The following MID1 variants were observed in gnomAD, a reference collection of about 807,000 sequenced individuals.
The protein encoded by MID1 is midline 1.
A neutral mutation model predicts 40.4 loss-of-function variants in MID1; 7 were observed. The observed-to-expected ratio is 0.17, with a 90% CI of 0.10 to 0.33. MID1 has a LOEUF of 0.33. Ranked by LOEUF, MID1 falls within the 10% of genes least tolerant of loss-of-function variation. The pLI, the probability that MID1 is intolerant of heterozygous loss-of-function variation, is 1.00. For synonymous variants in MID1, 229 were observed against 221.2 expected (o/e 1.04, Z -0.31); for missense variants, 367 against 558.5 (o/e 0.66, Z 3.46).
At chrX:10,666,058 T>C (rs2042948275) in intron 1 of MID1, among the ~76,000 whole-genome samples, 1 of 106,091 alleles carries the variant, frequency 9.4e-6, no homozygotes, top group African/African-American at 3.5e-5. Context: ...AAGTGTTGAG[T>C]GAAAACGCAA....
chrX:10,591,575 C>A (rs941618031), intron 1 of MID1, among the ~76,000 whole-genome samples: 25 of 111,917 alleles, frequency 2.2e-4, no homozygotes, highest in African/African-American at 8.1e-4. Context: ...GGTGACTTCA[C>A]CGAAGGGAGC....
chrX:10,730,672 C>T (rs1489869509), intron 1 of MID1, among the ~76,000 whole-genome samples: 3 of 106,840 alleles, frequency 2.8e-5, no homozygotes, highest in Non-Finnish European at 5.8e-5. Context: ...CCCGTGTTCA[C>T]GCCATTCTCC....
At chrX:10,572,141 TTC>T (rs1193315644) in intron 1 of MID1, among the ~76,000 whole-genome samples, 2 of 92,577 alleles carry the variant, frequency 2.2e-5, no homozygotes, top group East Asian at 3.3e-4. Context: ...CTCTCTCCCT[TTC>T]TCTCTCTCTT....
intron 8 of MID1, among the ~76,000 whole-genome samples, chrX:10,456,541 T>C (rs1928680100): frequency 8.9e-6 from 1 of 112,632 alleles, no homozygotes; most frequent in Non-Finnish European, 1.9e-5. Context: ...TCTGTACATA[T>C]CAAAGAAAAG....
chrX:10,595,206 C>G (rs1935389267), intron 1 of MID1, among the ~76,000 whole-genome samples: 1 of 111,822 alleles, frequency 8.9e-6, no homozygotes. Context: ...TTAAAGATCT[C>G]TTTCTGGAAG....
chrX:10,536,691 G>C (rs1470288765), intron 2 of MID1, among the ~76,000 whole-genome samples: 1 of 111,925 alleles, frequency 8.9e-6, no homozygotes, highest in African/African-American at 3.3e-5. Context: ...AATGTAGCTT[G>C]GCCCAACCAC....
At chrX:10,549,443 G>A (rs967114487) in intron 2 of MID1, among the ~76,000 whole-genome samples, 10 of 112,985 alleles carry the variant, frequency 8.9e-5, no homozygotes, top group African/African-American at 1.3e-4. Flanking sequence ...GGCCAAATCC[G>A]GCCAGTCACC....
At chrX:10,454,794 G>T in intron 9 of MID1, 76 bp downstream of exon 9, 1 of 881,496 alleles carries the variant, frequency 1.1e-6, no homozygotes, top group Non-Finnish European at 1.7e-6. Flanking sequence ...ATGCATTACA[G>T]TATGGGTTGA....
chrX:10,619,872 A>C (rs765209925), intron 1 of MID1, among the ~76,000 whole-genome samples: 2 of 112,134 alleles, frequency 1.8e-5, no homozygotes, highest in Non-Finnish European at 3.8e-5. Context: ...CCAAAATGAG[A>C]TAAGAGGCCC....
At chrX:10,617,585 G>T (rs1306719257) in intron 1 of MID1, among the ~76,000 whole-genome samples, 1 of 111,913 alleles carries the variant, frequency 8.9e-6, no homozygotes, top group African/African-American at 3.3e-5. Flanking sequence ...CACAAAATAT[G>T]TCTAGTAGGC....
chrX:10,526,393 G>A (rs1932833129), intron 2 of MID1, among the ~76,000 whole-genome samples: 1 of 111,270 alleles, frequency 9.0e-6, no homozygotes, highest in East Asian at 2.8e-4. Flanking sequence ...GAGACTAGAG[G>A]ATGATTTTGA....
intron 1 of MID1, among the ~76,000 whole-genome samples, chrX:10,671,547 C>T (rs906499260): frequency 1.8e-5 from 2 of 111,360 alleles, no homozygotes; most frequent in East Asian, 5.7e-4. Context: ...AAAGGTGTTT[C>T]TGGCCGGTGT....
chrX:10,777,355 G>A (rs1446316822), intron 1 of MID1, among the ~76,000 whole-genome samples: 1 of 85,497 alleles, frequency 1.2e-5, no homozygotes, highest in Non-Finnish European at 2.3e-5. Flanking sequence ...CCGCCACCAT[G>A]CCCGGCTAAT....
At chrX:10,621,845 A>G (rs958465485), upstream of MID1, among the ~76,000 whole-genome samples, 8 of 107,390 alleles carry the variant, frequency 7.4e-5, no homozygotes, top group Admixed American at 3.1e-4. Context: ...GGATTTCTCA[A>G]TCTCAGCACT....
chrX:10,592,124 T>G (rs1310172439), intron 1 of MID1, among the ~76,000 whole-genome samples: 2 of 108,422 alleles, frequency 1.8e-5, no homozygotes, highest in Non-Finnish European at 3.8e-5. Flanking sequence ...AATGATAATT[T>G]GGCTGAATGA....
intron 2 of MID1, among the ~76,000 whole-genome samples, chrX:10,563,183 T>C (rs963117867): frequency 9.8e-5 from 11 of 111,920 alleles, no homozygotes; most frequent in Middle Eastern, 4.7e-3. Context: ...TTTGAACTTT[T>C]AAATCAAACT....
intron 2 of MID1, among the ~76,000 whole-genome samples, chrX:10,526,648 C>G (rs1157080966): frequency 2.7e-5 from 3 of 111,448 alleles, no homozygotes; most frequent in Non-Finnish European, 5.6e-5. Flanking sequence ...ATTTTACAAA[C>G]ATCTGCTTGC....
At chrX:10,601,813 C>A (rs1024244470) in intron 1 of MID1, among the ~76,000 whole-genome samples, 2 of 111,322 alleles carry the variant, frequency 1.8e-5, no homozygotes, top group African/African-American at 6.5e-5. Flanking sequence ...ATAGCCAAGC[C>A]TACCCCTGTT....
intron 1 of MID1, among the ~76,000 whole-genome samples, chrX:10,593,167 T>C (rs546802520): frequency 2.7e-5 from 3 of 112,392 alleles, no homozygotes; most frequent in South Asian, 7.4e-4. Context: ...GAGGTTTTTG[T>C]GCATTTACAT....
Sources: gnomAD v4.1 joint callset for allele counts (sites outside exome capture counted in the v4.1 genomes callset) on GRCh38, gnomAD v4.1.1 for gene constraint, MANE v1.5 for transcripts, NCBI Gene and HGNC (gene_info 2026-07-23, HGNC 2026-07-21) for gene names.